The following SPOCK1 variants were observed in gnomAD, a reference collection of about 807,000 sequenced individuals.
SPOCK1 encodes SPARC (osteonectin), cwcv and kazal like domains proteoglycan 1.
SPOCK1 carries 23 observed loss-of-function variants against 55.3 expected under a neutral mutation model. That is an observed-to-expected ratio of 0.42 (90% CI 0.30 to 0.59). The LOEUF is 0.59. Among genes scored for constraint, SPOCK1 ranks in the 20% least tolerant of loss-of-function variants. The pLI is 0.22. For missense variants in SPOCK1, 499 were observed against 552.5 expected, an observed-to-expected ratio of 0.90 and a Z score of 0.97; for synonymous variants, 226 against 221.0, an observed-to-expected ratio of 1.02 and a Z score of -0.20.
chr5:137,352,992 T>C (rs1437323416), intron 2 of SPOCK1, among the ~76,000 whole-genome samples: 1 of 151,800 alleles, frequency 6.6e-6, no homozygotes, highest in Non-Finnish European at 1.5e-5. Flanking sequence ...TTTGCAGTTC[T>C]GGATTTACCA....
At chr5:137,159,122 C>T (rs1040883897) in intron 3 of SPOCK1, among the ~76,000 whole-genome samples, 2 of 152,126 alleles carry the variant, frequency 1.3e-5, no homozygotes, top group Admixed American at 1.3e-4. Flanking sequence ...ACAAAGAGCC[C>T]ACCCATAGGT....
intron 3 of SPOCK1, among the ~76,000 whole-genome samples, chr5:137,225,357 T>C (rs959195173): frequency 5.9e-5 from 9 of 152,180 alleles, no homozygotes; most frequent in African/African-American, 1.9e-4. Context: ...TAAAATAGGA[T>C]AATGTCTACA....
intron 2 of SPOCK1, among the ~76,000 whole-genome samples, chr5:137,281,908 TC>T (rs1452108147): frequency 1.3e-5 from 2 of 152,232 alleles, no homozygotes; most frequent in Admixed American, 1.3e-4. Flanking sequence ...CGGTTCTGTT[TC>T]CTGGTCTAAA....
At chr5:137,138,400 G>C (rs1754029684) in intron 4 of SPOCK1, among the ~76,000 whole-genome samples, 1 of 152,050 alleles carries the variant, frequency 6.6e-6, no homozygotes, top group Non-Finnish European at 1.5e-5. Context: ...AAACCGATTT[G>C]AGTTTAAAAC....
At chr5:137,408,501 A>C (rs757449820) in intron 2 of SPOCK1, among the ~76,000 whole-genome samples, 6 of 152,184 alleles carry the variant, frequency 3.9e-5, no homozygotes, top group Non-Finnish European at 5.9e-5. Flanking sequence ...CCCTTGAAAC[A>C]CATCAGTTCT....
chr5:137,056,691 G>A (rs1752307264), intron 6 of SPOCK1, among the ~76,000 whole-genome samples: 1 of 151,944 alleles, frequency 6.6e-6, no homozygotes, highest in Admixed American at 6.6e-5. Context: ...AAGCCCAGGA[G>A]ATCTACTTGG....
intron 3 of SPOCK1, among the ~76,000 whole-genome samples, chr5:137,228,846 C>A (rs1482281127): frequency 6.6e-6 from 1 of 152,012 alleles, no homozygotes. Context: ...TAGCTCTTAC[C>A]CAGATAATGG....
intron 2 of SPOCK1, among the ~76,000 whole-genome samples, chr5:137,488,278 G>A (rs1367256246): frequency 6.6e-6 from 1 of 152,168 alleles, no homozygotes; most frequent in Non-Finnish European, 1.5e-5. Flanking sequence ...TCGGGAGGCT[G>A]AGGCAGGAGA....
At chr5:137,019,569 C>T (rs1027621208) in intron 6 of SPOCK1, among the ~76,000 whole-genome samples, 1 of 151,972 alleles carries the variant, frequency 6.6e-6, no homozygotes, top group African/African-American at 2.4e-5. Context: ...ATAAACAATG[C>T]GGTAAACATC....
intron 6 of SPOCK1, among the ~76,000 whole-genome samples, chr5:137,030,326 G>T (rs914467888): frequency 6.6e-6 from 1 of 152,214 alleles, no homozygotes; most frequent in African/African-American, 2.4e-5. Context: ...GCGGTTTAAA[G>T]GTCTGATCCA....
chr5:137,463,472 G>T (rs771756955), intron 2 of SPOCK1, among the ~76,000 whole-genome samples: 63 of 127,822 alleles, frequency 4.9e-4, no homozygotes, highest in South Asian at 1.1e-3. Context: ...CAAAACCATT[G>T]AACTAATGGA....
intron 4 of SPOCK1, among the ~76,000 whole-genome samples, chr5:137,134,709 C>CT (rs1753948059): frequency 6.6e-6 from 1 of 152,214 alleles, no homozygotes; most frequent in African/African-American, 2.4e-5. Context: ...ACCTCGACAG[C>CT]TATGTGTATG....
intron 2 of SPOCK1, among the ~76,000 whole-genome samples, chr5:137,296,793 G>A (rs1473139912): frequency 1.3e-5 from 2 of 152,168 alleles, no homozygotes; most frequent in African/African-American, 4.8e-5. Flanking sequence ...GGCTCACACA[G>A]GTGGGAGACT....
At chr5:137,161,344 T>G (rs994437099) in intron 3 of SPOCK1, among the ~76,000 whole-genome samples, 5 of 151,912 alleles carry the variant, frequency 3.3e-5, no homozygotes, top group African/African-American at 1.2e-4. Flanking sequence ...TCAGTTGAAA[T>G]GCAGCAGTAA....
intron 2 of SPOCK1, among the ~76,000 whole-genome samples, chr5:137,363,222 G>C (rs1304124701): frequency 6.6e-6 from 1 of 152,126 alleles, no homozygotes; most frequent in East Asian, 1.9e-4. Context: ...CCCAATACAA[G>C]TATGTCCCCA....
chr5:137,091,675 C>T (rs1753057033), intron 5 of SPOCK1, among the ~76,000 whole-genome samples: 1 of 152,066 alleles, frequency 6.6e-6, no homozygotes, highest in African/African-American at 2.4e-5. Context: ...ACAGACTGGC[C>T]CTCCCCTTCA....
chr5:137,421,817 T>C (rs545429648), intron 2 of SPOCK1, among the ~76,000 whole-genome samples: 1 of 152,336 alleles, frequency 6.6e-6, no homozygotes, highest in African/African-American at 2.4e-5. Flanking sequence ...AATATTGTTA[T>C]GTGTGAATTT....
intron 3 of SPOCK1, among the ~76,000 whole-genome samples, chr5:137,256,802 G>A (rs1027650966): frequency 4.6e-5 from 7 of 152,084 alleles, no homozygotes; most frequent in South Asian, 2.1e-4. Context: ...CCCCAAGGAC[G>A]CATCAACCTC....
intron 3 of SPOCK1, among the ~76,000 whole-genome samples, chr5:137,193,700 C>T (rs182111594): frequency 8.4e-4 from 128 of 152,296 alleles, no homozygotes; most frequent in Non-Finnish European, 1.4e-3. Flanking sequence ...CTTCATTCTG[C>T]CCTCAAACCT....
Sources: allele counts gnomAD v4.1 joint callset (sites outside exome capture counted in the v4.1 genomes callset), GRCh38; gene constraint gnomAD v4.1.1; transcripts MANE v1.5; gene names NCBI Gene and HGNC (gene_info 2026-07-23, HGNC 2026-07-21).